The following PLXNA2 variants were observed in gnomAD, a reference collection of about 807,000 sequenced individuals.
PLXNA2 encodes plexin A2, also known as plexin-A2.
Under a neutral mutation model 193.5 loss-of-function variants are expected in PLXNA2, and 91 were observed. The ratio of observed to expected loss-of-function variants is 0.47; its 90% CI spans 0.40 to 0.56. The LOEUF is 0.56. Among genes scored for constraint, PLXNA2 ranks in the 20% least tolerant of loss-of-function variants. The pLI is 0.00. For synonymous variants in PLXNA2, 997 were observed against 1,027.3 expected (o/e 0.97, Z 0.56); for missense variants, 1,995 against 2,503.2 (o/e 0.80, Z 4.33).
chr1:208,079,823 T>C (rs1320080694), intron 11 of PLXNA2, among the ~76,000 whole-genome samples: 1 of 152,208 alleles, frequency 6.6e-6, no homozygotes, highest in Non-Finnish European at 1.5e-5. Flanking sequence ...AGATAATGTA[T>C]ATTAAGTGCT....
chr1:208,139,201 GA>G (rs1376657594), intron 4 of PLXNA2, among the ~76,000 whole-genome samples: 2 of 152,222 alleles, frequency 1.3e-5, no homozygotes, highest in East Asian at 3.8e-4. Context: ...TATAAGATCT[GA>G]AAGAGACTTT....
intron 4 of PLXNA2, among the ~76,000 whole-genome samples, chr1:208,103,804 T>C (rs1553280321): frequency 6.6e-6 from 1 of 152,232 alleles, no homozygotes; most frequent in Non-Finnish European, 1.5e-5. Context: ...AAATCTCCCA[T>C]CCTTTGAAAA....
chr1:208,099,480 G>A (rs1370078287), intron 5 of PLXNA2, among the ~76,000 whole-genome samples: 1 of 152,164 alleles, frequency 6.6e-6, no homozygotes, highest in Non-Finnish European at 1.5e-5. Flanking sequence ...CCTATGGAGA[G>A]GATATTTTCT....
intron 27 of PLXNA2, among the ~76,000 whole-genome samples, 175 bp from the exon 28 acceptor site, chr1:208,033,684 A>T (rs1372692669): frequency 6.6e-6 from 1 of 152,226 alleles, no homozygotes; most frequent in Non-Finnish European, 1.5e-5. Context: ...CTTGGTTGGC[A>T]TGAGGACGGA....
intron 3 of PLXNA2, among the ~76,000 whole-genome samples, chr1:208,197,710 T>A (rs1670404658): frequency 6.6e-6 from 1 of 152,228 alleles, no homozygotes; most frequent in Admixed American, 6.5e-5. Context: ...TAGCCTAAAC[T>A]GACTCCCATT....
At chr1:208,218,289 A>G (rs750436766) in intron 1 of PLXNA2, among the ~76,000 whole-genome samples, 4 of 152,068 alleles carry the variant, frequency 2.6e-5, no homozygotes, top group Non-Finnish European at 4.4e-5. Flanking sequence ...TTCATCTCCC[A>G]GAGAGGTTAA....
intron 4 of PLXNA2, among the ~76,000 whole-genome samples, chr1:208,141,584 C>T (rs753359352): frequency 6.6e-6 from 1 of 152,128 alleles, no homozygotes. Context: ...AACCCACTGA[C>T]CGAGTGAATG....
chr1:208,063,560 G>C (rs914957972), intron 12 of PLXNA2, among the ~76,000 whole-genome samples: 6 of 152,200 alleles, frequency 3.9e-5, no homozygotes, highest in Non-Finnish European at 8.8e-5. Context: ...GGGAGAATGA[G>C]TGTCCTTGTG....
chr1:208,156,324 C>G (rs1225420742), intron 3 of PLXNA2, among the ~76,000 whole-genome samples: 2 of 152,138 alleles, frequency 1.3e-5, no homozygotes, highest in Non-Finnish European at 2.9e-5. Flanking sequence ...GCTCCTCTCA[C>G]CCCACTAGGA....
At position 208,217,245 on chromosome 1, in the gene PLXNA2, G is replaced by A. The variant is rs560935430; in HGVS notation, c.678C>T (p.Ile226=). ...GGGCCAGGGTGTCTGAAGGGATCTT[G>A]ATGAGAGAGGAGACAAAATCGCTGT... ...ELHSDFVSSL[I]KIPSDTLALV... is the part of the protein sequence containing the mutation. Residue 226 remains isoleucine, a synonymous_variant, in exon 2 of 32, where the codon ATC becomes ATT. Transcript: ENST00000367033. This position sits in a 1 kb window ranked among gnomAD's most constrained non-coding sequence, Gnocchi z 4.7. 1.2e-5 allele frequency: 19 copies of A among 1,614,186 alleles called. No individual in the cohort carries two copies. In the South Asian group the frequency reaches 1.9e-4, roughly 16 times the overall value.
At chr1:208,161,276 C>T (rs1478448609) in intron 3 of PLXNA2, among the ~76,000 whole-genome samples, 1 of 152,196 alleles carries the variant, frequency 6.6e-6, no homozygotes, top group Non-Finnish European at 1.5e-5. Context: ...CTTTTCTACC[C>T]TCTCCCTCTC....
In PLXNA2 at chr1:208,026,487, T is replaced by A. The variant is rs144897244; in HGVS notation, c.*756A>T. 2.0e-5 allele frequency: 3 copies of A among 152,364 alleles called. No individual in the cohort carries two copies. Among genetic ancestry groups the A allele is most frequent in the African/African-American group, 7.2e-5 (3 of 41,576 alleles). 9.4% of individuals were successfully genotyped at this position (152,364 alleles called of 1,614,324 possible). A position where few individuals can be genotyped will look rare whatever the true frequency, so the allele number is the denominator to read the frequency against. On this transcript the variant is annotated 3_prime_UTR_variant, in exon 32 of 32. Coordinates refer to ENST00000367033, the MANE Select transcript of PLXNA2 (RefSeq NM_025179.4). ...CAGGTGTGTGGTAGATAAAGCTCAG[T>A]TTCCAGTCAGCCAGGGTGAGCTCTT...
chr1:208,183,293 A>G (rs61813545), intron 3 of PLXNA2, among the ~76,000 whole-genome samples: 4,036 of 152,310 alleles, frequency 0.026, 88 homozygotes, highest in Non-Finnish European at 0.042. Flanking sequence ...TGAGAGCCCC[A>G]TGAACTCACT....
chr1:208,121,994 A>C (rs1038975458), intron 4 of PLXNA2, among the ~76,000 whole-genome samples: 4 of 152,066 alleles, frequency 2.6e-5, no homozygotes, highest in African/African-American at 9.7e-5. Flanking sequence ...ATCTCCCCTC[A>C]TACCCCCACC....
intron 4 of PLXNA2, among the ~76,000 whole-genome samples, chr1:208,114,767 T>C (rs997458131): frequency 2.0e-5 from 3 of 152,176 alleles, no homozygotes; most frequent in Admixed American, 2.0e-4. Context: ...GGCAGAACTA[T>C]AGAGAATTGT....
intron 4 of PLXNA2, among the ~76,000 whole-genome samples, chr1:208,122,675 G>A (rs1176984617): frequency 6.6e-6 from 1 of 152,102 alleles, no homozygotes; most frequent in Non-Finnish European, 1.5e-5. Context: ...AAGGAAAAAA[G>A]GAGAAGGGAG....
intron 4 of PLXNA2, among the ~76,000 whole-genome samples, chr1:208,112,991 T>C (rs17187093): frequency 0.078 from 10,791 of 137,942 alleles, 447 homozygotes; most frequent in Middle Eastern, 0.089. Flanking sequence ...AGTTCTGGTT[T>C]TTGGAAGGAC....
At chr1:208,124,053 T>G (rs1364386002) in intron 4 of PLXNA2, among the ~76,000 whole-genome samples, 7 of 152,110 alleles carry the variant, frequency 4.6e-5, no homozygotes, top group Admixed American at 4.6e-4. Context: ...TAGATGTTAG[T>G]CTAGGGCCAC....
At position 208,023,212 on chromosome 1, in the gene PLXNA2, A is replaced by G. The variant is rs1475963429; in HGVS notation, c.*4031T>C. 5 of 152,444 alleles carry G rather than the reference A, an allele frequency of 3.3e-5. No individual in the cohort carries two copies. The highest frequency in any genetic ancestry group is 2.9e-5 in the Non-Finnish European group (2 of 68,040). The allele number at this position is 152,444 out of a possible 1,614,324, so 9.4% of individuals were successfully genotyped here. On this transcript the variant is annotated 3_prime_UTR_variant, in exon 32 of 32. Transcript: ENST00000367033. ...CACCCACTGAGCCTCCTGAGTCTCA[A>G]TTCTTTTCTCTCTGTGCCCAGGCCC...
Sources: allele counts gnomAD v4.1 joint callset (sites outside exome capture counted in the v4.1 genomes callset), GRCh38; gene constraint gnomAD v4.1.1; non-coding constraint Gnocchi (gnomAD v3.1); transcripts MANE v1.5; gene names NCBI Gene and HGNC (gene_info 2026-07-23, HGNC 2026-07-21).